Variants in FAR2 observed in about 807,000 individuals in gnomAD.
FAR2 encodes the protein fatty acyl-CoA reductase 2.
FAR2 carries 19 observed loss-of-function variants against 56.0 expected under a neutral mutation model. The observed-to-expected ratio is 0.34, with a 90% CI of 0.24 to 0.50. The LOEUF (loss-of-function observed/expected upper bound fraction) is 0.50, where lower values mean the gene tolerates loss of function less well. Ranked by LOEUF, FAR2 falls within the 20% of genes least tolerant of loss-of-function variation. FAR2 has a pLI of 0.98. For synonymous variants in FAR2, 219 were observed against 218.8 expected (o/e 1.00, Z -0.01); for missense variants, 508 against 642.2 (o/e 0.79, Z 2.26).
intron 1 of FAR2, among the ~76,000 whole-genome samples, chr12:29,161,923 T>A (rs941310096): frequency 5.2e-5 from 3 of 57,318 alleles, no homozygotes; most frequent in African/African-American, 1.8e-4. Flanking sequence ...CTTGGATATC[T>A]TCTCTTGTGA....
chr12:29,279,928 A>ATTT (rs4033039), intron 2 of FAR2, among the ~76,000 whole-genome samples: 1,753 of 146,454 alleles, frequency 0.012, 21 homozygotes, highest in Non-Finnish European at 0.018. Context: ...GTGCAATATA[A>ATTT]TTTTTTTTTT....
In FAR2 at chr12:29,160,757, A is replaced by G. The variant is rs966908948; in HGVS notation, c.-39+11350A>G. On this transcript the variant is annotated intron_variant, in intron 1 of 11. Coordinates refer to ENST00000536681, the MANE Select transcript of FAR2 (RefSeq NM_001271783.2). ...GATGGCTGTCTTCTCCTTGTGTCTCACATCCTCTTCTTTCTATGCGTATAT... is the reference window on the plus strand; with the variant it reads ...GATGGCTGTCTTCTCCTTGTGTCTCGCATCCTCTTCTTTCTATGCGTATAT... Among the ~76,000 whole-genome samples, 3 of 152,012 alleles carry G rather than the reference A, an allele frequency of 2.0e-5. No homozygotes were observed. In the East Asian group the frequency reaches 5.8e-4, roughly 29 times the overall value.
chr12:29,154,498 G>C (rs564617922), intron 1 of FAR2, among the ~76,000 whole-genome samples: 1 of 151,580 alleles, frequency 6.6e-6, no homozygotes, highest in South Asian at 2.1e-4. Context: ...GCAGTGGTGT[G>C]ATCTCAGCTC....
chr12:29,231,677 AAGT>A (rs1947860130), intron 1 of FAR2, among the ~76,000 whole-genome samples: 1 of 152,218 alleles, frequency 6.6e-6, no homozygotes, highest in South Asian at 2.1e-4. Flanking sequence ...ATTCAAATGT[AAGT>A]GGGGGCATAA....
intron 2 of FAR2, among the ~76,000 whole-genome samples, chr12:29,273,681 C>G (rs1200119008): frequency 6.6e-6 from 1 of 152,246 alleles, no homozygotes; most frequent in Non-Finnish European, 1.5e-5. Context: ...CTCGTCGCCC[C>G]TCTGCCCCCA....
At chr12:29,229,467 A>G (rs1056044051) in intron 1 of FAR2, among the ~76,000 whole-genome samples, 1 of 152,254 alleles carries the variant, frequency 6.6e-6, no homozygotes, top group Non-Finnish European at 1.5e-5. Context: ...TAAAGGTGTC[A>G]GAAACTCAAA....
At chr12:29,154,501 C>T (rs985512276) in intron 1 of FAR2, among the ~76,000 whole-genome samples, 3 of 151,422 alleles carry the variant, frequency 2.0e-5, no homozygotes, top group African/African-American at 7.3e-5. Context: ...GTGGTGTGAT[C>T]TCAGCTCACT....
chr12:29,239,829 G>T (rs1032706608), intron 1 of FAR2, among the ~76,000 whole-genome samples: 2 of 152,150 alleles, frequency 1.3e-5, no homozygotes, highest in African/African-American at 4.8e-5. Flanking sequence ...ATTAATGACA[G>T]AAATCTTATT....
At chr12:29,231,168 G>C (rs1947851618) in intron 1 of FAR2, among the ~76,000 whole-genome samples, 2 of 152,200 alleles carry the variant, frequency 1.3e-5, no homozygotes, top group South Asian at 4.1e-4. Context: ...GGATTGATAG[G>C]AGTAAGAGTG....
intron 4 of FAR2, among the ~76,000 whole-genome samples, chr12:29,302,997 T>G (rs1454211338): frequency 1.3e-5 from 2 of 151,968 alleles, no homozygotes; most frequent in African/African-American, 4.8e-5. Flanking sequence ...GCATTTCTAG[T>G]ACCAGGGATT....
intron 2 of FAR2, among the ~76,000 whole-genome samples, chr12:29,272,625 A>G (rs1046435715): frequency 6.6e-6 from 1 of 152,138 alleles, no homozygotes; most frequent in Admixed American, 6.5e-5. Flanking sequence ...TCTGAAGCCT[A>G]CTTCTGTCAA....
intron 1 of FAR2, among the ~76,000 whole-genome samples, chr12:29,209,127 C>T (rs1947512639): frequency 6.6e-6 from 1 of 151,500 alleles, no homozygotes; most frequent in Non-Finnish European, 1.5e-5. Context: ...TAAGAAGACC[C>T]ACGGGGAATT....
chr12:29,163,272 C>A (rs1173804974), intron 1 of FAR2, among the ~76,000 whole-genome samples: 1 of 152,204 alleles, frequency 6.6e-6, no homozygotes, highest in African/African-American at 2.4e-5. Flanking sequence ...ATAATAGTAA[C>A]CACCATAGAG....
chr12:29,232,808 C>G (rs1947879656), intron 1 of FAR2, among the ~76,000 whole-genome samples: 1 of 148,116 alleles, frequency 6.8e-6, no homozygotes. Context: ...CACACACACA[C>G]ATACGCGCTC....
intron 7 of FAR2, among the ~76,000 whole-genome samples, 162 bp from the exon 8 acceptor site, chr12:29,311,721 G>T (rs192115332): frequency 4.9e-4 from 72 of 147,258 alleles, no homozygotes; most frequent in Admixed American, 2.6e-3. Flanking sequence ...CTTCCATTTT[G>T]CTTATTAACC....
At chr12:29,319,104 C>CCT (rs1172256119) in intron 9 of FAR2, among the ~76,000 whole-genome samples, 1 of 151,926 alleles carries the variant, frequency 6.6e-6, no homozygotes, top group African/African-American at 2.4e-5. Context: ...GATTCTCCTG[C>CCT]CTCAGCCTCT....
intron 5 of FAR2, among the ~76,000 whole-genome samples, 196 bp from the exon 6 acceptor site, chr12:29,308,988 GCA>G (rs1257615650): frequency 6.6e-6 from 1 of 152,010 alleles, no homozygotes; most frequent in Non-Finnish European, 1.5e-5. Flanking sequence ...TCTAATTTTT[GCA>G]CAGTCAAATA....
intron 2 of FAR2, among the ~76,000 whole-genome samples, chr12:29,287,950 A>G (rs902503054): frequency 6.6e-6 from 1 of 152,160 alleles, no homozygotes; most frequent in Non-Finnish European, 1.5e-5. Flanking sequence ...ATGTCTGACT[A>G]CAGAAGTCAT....
intron 1 of FAR2, among the ~76,000 whole-genome samples, chr12:29,177,811 A>T (rs1053649635): frequency 2.7e-5 from 4 of 147,150 alleles, no homozygotes; most frequent in South Asian, 2.2e-4. Flanking sequence ...CTTTATAATT[A>T]AATAGCTATT....
Sources: allele counts gnomAD v4.1 joint callset (sites outside exome capture counted in the v4.1 genomes callset), GRCh38; gene constraint gnomAD v4.1.1; transcripts MANE v1.5; gene names NCBI Gene and HGNC (gene_info 2026-07-23, HGNC 2026-07-21).